Variants in ATP13A4 observed in about 807,000 individuals in gnomAD.
The protein encoded by ATP13A4 is ATPase 13A4, also known as probable cation-transporting ATPase 13A4.
In ATP13A4, 114 loss-of-function variants were observed where a neutral mutation model predicts 142.5. The ratio of observed to expected loss-of-function variants is 0.80; its 90% CI spans 0.69 to 0.93. The LOEUF is 0.93. ATP13A4 is among the 40% of genes least tolerant of loss of function. The pLI, the probability that ATP13A4 is intolerant of heterozygous loss-of-function variation, is 0.00. For missense variants in ATP13A4, 1,392 were observed against 1,454.0 expected (o/e 0.96, Z 0.69); for synonymous variants, 488 against 514.8 (o/e 0.95, Z 0.70).
chr3:193,527,407 T>A (rs1722065380), intron 1 of ATP13A4, among the ~76,000 whole-genome samples: 1 of 152,064 alleles, frequency 6.6e-6, no homozygotes, highest in Non-Finnish European at 1.5e-5. Context: ...CTGAGGTCAG[T>A]TCGAGACTAG....
intron 1 of ATP13A4, among the ~76,000 whole-genome samples, chr3:193,531,763 A>C (rs899993112): frequency 6.6e-6 from 1 of 152,146 alleles, no homozygotes; most frequent in Admixed American, 6.5e-5. Context: ...GCTACTCCTT[A>C]CTGGGTGTGA....
At chr3:193,472,634 C>T (rs906763802) in intron 8 of ATP13A4, among the ~76,000 whole-genome samples, 3 of 152,146 alleles carry the variant, frequency 2.0e-5, no homozygotes, top group Admixed American at 6.5e-5. Flanking sequence ...AAACTGCAAA[C>T]GTTACAACCA....
intron 8 of ATP13A4, among the ~76,000 whole-genome samples, chr3:193,480,230 A>C (rs1719211540): frequency 6.6e-6 from 1 of 152,200 alleles, no homozygotes; most frequent in African/African-American, 2.4e-5. Context: ...AGAACCCAAA[A>C]GCAAATGCAA....
intron 27 of ATP13A4, among the ~76,000 whole-genome samples, chr3:193,411,530 A>G (rs1195791900): frequency 6.6e-6 from 1 of 152,216 alleles, no homozygotes; most frequent in Non-Finnish European, 1.5e-5. Context: ...TTTTCTCTGA[A>G]CAAATAAATT....
At chr3:193,562,779 G>A (rs533789245) in intron 2 of ATP13A4, among the ~76,000 whole-genome samples, 1 of 152,302 alleles carries the variant, frequency 6.6e-6, no homozygotes, top group East Asian at 1.9e-4. Flanking sequence ...GCTGAGGCAG[G>A]AGGATCACTT....
At chr3:193,437,005 G>A (rs1315007668) in intron 23 of ATP13A4, among the ~76,000 whole-genome samples, 3 of 145,226 alleles carry the variant, frequency 2.1e-5, no homozygotes, top group Non-Finnish European at 4.4e-5. Flanking sequence ...TTGGGAGGCT[G>A]AGGCAGGAGA....
At chr3:193,472,330 G>T (rs1384284466) in intron 8 of ATP13A4, among the ~76,000 whole-genome samples, 3 of 152,152 alleles carry the variant, frequency 2.0e-5, no homozygotes, top group Non-Finnish European at 4.4e-5. Context: ...TACACTCCCT[G>T]CTTGTCAGTC....
At chr3:193,426,777 C>T (rs145563610) in intron 25 of ATP13A4, among the ~76,000 whole-genome samples, 43 of 151,958 alleles carry the variant, frequency 2.8e-4, no homozygotes, top group African/African-American at 9.6e-4. Context: ...GCTGGGACAA[C>T]CAGATTTCCA....
chr3:193,420,691 A>G (rs1715361738), intron 25 of ATP13A4, among the ~76,000 whole-genome samples: 1 of 149,704 alleles, frequency 6.7e-6, no homozygotes, highest in Non-Finnish European at 1.5e-5. Flanking sequence ...TAAATGAGAA[A>G]CTTAACAAAG....
At chr3:193,426,488 A>C (rs1284157626) in intron 25 of ATP13A4, among the ~76,000 whole-genome samples, 2 of 151,842 alleles carry the variant, frequency 1.3e-5, no homozygotes, top group Non-Finnish European at 2.9e-5. Context: ...TTAAATAGCT[A>C]TTTTTAGAGA....
At chr3:193,559,304 G>A (rs568016151), upstream of ATP13A4, among the ~76,000 whole-genome samples, 18 of 152,314 alleles carry the variant, frequency 1.2e-4, no homozygotes, top group African/African-American at 4.3e-4. Context: ...TTACCATGGA[G>A]AGGAACCTGA....
At chr3:193,501,498 G>T (rs1446833946) in intron 3 of ATP13A4, among the ~76,000 whole-genome samples, 1 of 150,646 alleles carries the variant, frequency 6.6e-6, no homozygotes, top group Non-Finnish European at 1.5e-5. Flanking sequence ...TGAGGCAGGA[G>T]AATTGCTTGA....
At chr3:193,542,657 A>AT (rs1246240711) in intron 1 of ATP13A4, among the ~76,000 whole-genome samples, 1 of 152,212 alleles carries the variant, frequency 6.6e-6, no homozygotes, top group African/African-American at 2.4e-5. Flanking sequence ...CAGAATAGAT[A>AT]TCTCAGAAAG....
At chr3:193,547,967 C>A (rs1295323588) in intron 1 of ATP13A4, among the ~76,000 whole-genome samples, 2 of 152,190 alleles carry the variant, frequency 1.3e-5, no homozygotes, top group African/African-American at 4.8e-5. Context: ...CCTTGGTTAG[C>A]ACAGAGGACT....
Position 193,586,049 on chromosome 3 carries a change from T to C in ATP13A4, n.92-4143A>G, listed in dbSNP as rs866179951. On this transcript the variant is annotated intron_variant and non_coding_transcript_variant, in intron 1 of 3. Coordinates refer to the ATP13A4 transcript ENST00000489140. Reference sequence around the variant, plus strand: ...GCACTTTGTGTTCATTGGCCAAATATGTATATAAAATATATATATATCTGT... The same window carrying C: ...GCACTTTGTGTTCATTGGCCAAATACGTATATAAAATATATATATATCTGT... Among the ~76,000 whole-genome samples the C allele has an allele frequency of 3.7e-4, 56 of 150,900 alleles. 1 individual carries two copies. In the Middle Eastern group the frequency reaches 0.014, roughly 37 times the overall value.
intron 28 of ATP13A4, among the ~76,000 whole-genome samples, chr3:193,408,703 C>T (rs550073445): frequency 2.0e-4 from 30 of 152,316 alleles, no homozygotes; most frequent in South Asian, 6.2e-4. Context: ...TCCTACGAGA[C>T]GTAGAAACTC....
intron 1 of ATP13A4, among the ~76,000 whole-genome samples, chr3:193,515,563 C>A (rs1721360916): frequency 6.6e-6 from 1 of 151,940 alleles, no homozygotes; most frequent in Non-Finnish European, 1.5e-5. Context: ...GAGGAAAACA[C>A]CATAGGGACT....
In ATP13A4 at chr3:193,459,204, T is replaced by C; in HGVS notation, c.1551A>G (p.Ser517=). The change falls in exon 14 of 30, where the codon TCA becomes TCG. Residue 517 remains serine, a synonymous_variant. Coordinates refer to ENST00000342695, the MANE Select transcript of ATP13A4 (RefSeq NM_032279.4). Reference sequence around the variant, plus strand: ...GTGGGCCCCATGGCAAAGCCTGGCCTGAGGCAAAGCTGTGAACTTCCTGAA... The same window carrying C: ...GTGGGCCCCATGGCAAAGCCTGGCCCGAGGCAAAGCTGTGAACTTCCTGAA... The part of the protein sequence containing the change: ...NGFQEVHSFA[S]GQALPWGPLC... 3 of 1,614,242 alleles carry C rather than the reference T, an allele frequency of 1.9e-6. No individual in the cohort carries two copies. The highest frequency in any genetic ancestry group is 2.5e-6 in the Non-Finnish European group (3 of 1,180,036).
At chr3:193,478,162 C>CA (rs1482945610) in intron 8 of ATP13A4, among the ~76,000 whole-genome samples, 2 of 151,766 alleles carry the variant, frequency 1.3e-5, no homozygotes, top group African/African-American at 4.9e-5. Context: ...ATGCCTACAT[C>CA]AAAAAGTCTG....
Sources: gnomAD v4.1 joint callset for allele counts (sites outside exome capture counted in the v4.1 genomes callset) on GRCh38, gnomAD v4.1.1 for gene constraint, MANE v1.5 for transcripts, NCBI Gene and HGNC (gene_info 2026-07-23, HGNC 2026-07-21) for gene names.